The following DST variants were observed in gnomAD, a reference collection of about 807,000 sequenced individuals.
DST encodes bullous pemphigoid antigen.
Under a neutral mutation model 875.2 loss-of-function variants are expected in DST, and 253 were observed. That is an observed-to-expected ratio of 0.29 (90% confidence interval 0.26 to 0.32). The LOEUF (loss-of-function observed/expected upper bound fraction) is 0.32, where lower values mean the gene tolerates loss of function less well. DST is among the 10% of genes least tolerant of loss of function. DST has a pLI of 1.00. For missense variants in DST, 8,287 were observed against 9,111.6 expected (o/e 0.91, Z 3.68); for synonymous variants, 3,124 against 3,197.1 (o/e 0.98, Z 0.77).
chr6:56,645,743 A>G (rs1476265077), intron 15 of DST, 123 bp downstream of exon 15: 1 of 1,151,166 alleles, frequency 8.7e-7, no homozygotes, highest in Admixed American at 2.4e-5. Context: ...AAAATGGAGG[A>G]TCAAAAGGAT....
chr6:56,460,403 T>C (rs2094268354), intron 102 of DST, 149 bp from the exon 103 acceptor site: 1 of 647,662 alleles, frequency 1.5e-6, no homozygotes, highest in African/African-American at 1.8e-5. Flanking sequence ...AAATAAGGCA[T>C]GGGGTTCTCA....
At chr6:56,795,009 T>C (rs1468900438) in intron 4 of DST, among the ~76,000 whole-genome samples, 4 of 152,032 alleles carry the variant, frequency 2.6e-5, no homozygotes, top group African/African-American at 7.3e-5. Flanking sequence ...AATAGGTACA[T>C]AGCCAAGGAA....
rs1297264503 is a variant in DST at position 56,625,170 on chromosome 6, A to G, written c.4817T>C (p.Leu1606Pro). The G allele has an allele frequency of 1.2e-6, 2 of 1,610,556 alleles. No homozygotes were observed. Reference sequence around the variant, plus strand: ...TACTTTTATTACCTCTTGAATAATGAGATCTGCTGAACTCTGCATTCTTCG... The same window carrying G: ...TACTTTTATTACCTCTTGAATAATGGGATCTGCTGAACTCTGCATTCTTCG... The part of the protein sequence containing the change: ...KRRRMQSSAD[L>P]IIQEFMDLRT... Residue 1606 changes from leucine to proline, a missense_variant, in exon 35 of 104, where the codon CTC (leucine) becomes CCC (proline). By Grantham distance (98) the Leu-to-Pro change is moderately conservative. Around this residue, in one of 10 missense-constraint regions of DST, gnomAD observed 3,138 missense variants for 3,116.6 expected, o/e 1.01. Coordinates refer to ENST00000680361, the MANE Select transcript of DST (RefSeq NM_001374736.1).
intron 4 of DST, among the ~76,000 whole-genome samples, chr6:56,818,957 A>G (rs60638926): frequency 0.084 from 12,801 of 152,150 alleles, 1,802 homozygotes; most frequent in African/African-American, 0.29. Context: ...ACCCTGGATC[A>G]TCATTCAATC....
chr6:56,557,143 G>T (rs1421861350), intron 59 of DST, among the ~76,000 whole-genome samples, 176 bp downstream of exon 59: 1 of 152,038 alleles, frequency 6.6e-6, no homozygotes, highest in East Asian at 1.9e-4. Flanking sequence ...TAGTTCTTTG[G>T]GGATTCCCAC....
chr6:56,627,233 AT>A lies in DST; in HGVS notation c.4692del (p.Lys1564AsnfsTer10). The A allele has an allele frequency of 6.2e-7, 1 of 1,612,878 alleles. No individual in the cohort carries two copies. ...MKQSKMDECQ[K>X]YAEQYSATVK... Reference sequence around the variant, plus strand: ...ACTGTAGCTGAGTACTGTTCTGCATATTTTTGACACTCGTCCATTTTGCTCT... The same window carrying A: ...ACTGTAGCTGAGTACTGTTCTGCATATTTTGACACTCGTCCATTTTGCTCT... On this transcript the variant is annotated frameshift_variant, in exon 34 of 104. Transcript: ENST00000680361. LOFTEE classifies it high-confidence loss of function.
In DST at chr6:56,639,626, A is replaced by G; in HGVS notation, c.2698-15T>C. 6 of 1,613,822 alleles carry G rather than the reference A, an allele frequency of 3.7e-6. No homozygotes were observed. The highest frequency in any genetic ancestry group is 5.1e-6 in the Non-Finnish European group (6 of 1,179,852). On this transcript the variant is annotated splice_polypyrimidine_tract_variant and intron_variant, in intron 20 of 103. Coordinates refer to ENST00000680361, the MANE Select transcript of DST (RefSeq NM_001374736.1). ...CTGGATGTATTCTTTAGTAAGGAAA[A>G]TCATCATAAGAATCATGTTTTTGCC...
At chr6:56,667,190 G>A (rs1003373815) in intron 10 of DST, among the ~76,000 whole-genome samples, 3 of 152,134 alleles carry the variant, frequency 2.0e-5, no homozygotes, top group Admixed American at 6.5e-5. Context: ...GATTATAGGC[G>A]TGAGCCAGGG....
chr6:56,615,795 A>G lies in DST; in HGVS notation c.4930-1311T>C, dbSNP rs1284395693. 5 of 1,614,044 alleles carry G rather than the reference A, an allele frequency of 3.1e-6. No individual in the cohort carries two copies. Among genetic ancestry groups the G allele is most frequent in the Non-Finnish European group, 4.2e-6 (5 of 1,180,044 alleles). ...ATCAACCCTCCTGTCAAGTACTGAA[A>G]TTCCAAACATCGGATTCCCATTTCC... On this transcript the variant is annotated intron_variant, in intron 36 of 103. Coordinates refer to ENST00000680361, the MANE Select transcript of DST (RefSeq NM_001374736.1).
At chr6:56,596,407 A>C (rs2098387341) in intron 47 of DST, among the ~76,000 whole-genome samples, 1 of 152,178 alleles carries the variant, frequency 6.6e-6, no homozygotes, top group Non-Finnish European at 1.5e-5. Context: ...ACTGTGCCTA[A>C]AACCAAGGGC....
At chr6:56,741,664 C>G (rs1295262983) in intron 4 of DST, among the ~76,000 whole-genome samples, 3 of 152,158 alleles carry the variant, frequency 2.0e-5, no homozygotes, top group Admixed American at 6.5e-5. Flanking sequence ...CCAGATTACA[C>G]CATCTAATTT....
chr6:56,551,824 T>C (rs1159494656), intron 61 of DST, among the ~76,000 whole-genome samples: 1 of 152,148 alleles, frequency 6.6e-6, no homozygotes, highest in African/African-American at 2.4e-5. Context: ...ATTGAAGAAA[T>C]TGCTGGAAGA....
Position 56,508,744 on chromosome 6 carries a change from T to C in DST, c.19024A>G (p.Lys6342Glu), listed in dbSNP as rs777991373. ...KDISAKAVQD[K>E]LDQMVFIWEN... Reference sequence around the variant, plus strand: ...CAAATGAAAACCATTTGGTCAAGCTTATCCTGAACAGCTATGAAGCAAAAC... The same window carrying C: ...CAAATGAAAACCATTTGGTCAAGCTCATCCTGAACAGCTATGAAGCAAAAC... Residue 6342 changes from lysine to glutamate, a missense_variant, in exon 75 of 104, where the codon AAG (lysine) becomes GAG (glutamate). Coordinates refer to ENST00000680361, the MANE Select transcript of DST (RefSeq NM_001374736.1). The C allele has an allele frequency of 6.2e-7, 1 of 1,612,098 alleles. No individual in the cohort carries two copies. Among genetic ancestry groups the C allele is most frequent in the Non-Finnish European group, 8.5e-7 (1 of 1,178,634 alleles).
chr6:56,720,511 G>A (rs1039955718), intron 5 of DST, among the ~76,000 whole-genome samples: 3 of 152,140 alleles, frequency 2.0e-5, no homozygotes, highest in South Asian at 2.1e-4. Flanking sequence ...GCCTTCTGCA[G>A]TGTTTGTGTC....
At chr6:56,692,473 G>T in intron 9 of DST, 2 of 1,289,590 alleles carry the variant, frequency 1.6e-6, no homozygotes, top group Non-Finnish European at 2.0e-6. Context: ...AAAATGCTGT[G>T]TTGCATGAGG....
Position 56,628,132 on chromosome 6 carries a change from G to A in DST, c.4505C>T (p.Ser1502Leu), listed in dbSNP as rs1448280149. Residue 1502 changes from serine to leucine, a missense_variant, in exon 33 of 104, where the codon TCA becomes TTA. This residue lies in a region of DST where 3,138 missense variants were observed against 3,116.6 expected (regional missense o/e 1.01). Coordinates refer to ENST00000680361, the MANE Select transcript of DST (RefSeq NM_001374736.1). ...GTAAGTGTCTCTGTAGTACTTCAGT[G>A]ATTTGCCAATGCCCTCTAAGTCCCG... ...RLRDLEGIGK[S>L]LKYYRDTYHP... 1 of 1,613,836 alleles carries A rather than the reference G, an allele frequency of 6.2e-7. No individual in the cohort carries two copies.
chr6:56,477,141 A>G (rs2095232734), intron 91 of DST, among the ~76,000 whole-genome samples: 1 of 152,248 alleles, frequency 6.6e-6, no homozygotes, highest in Non-Finnish European at 1.5e-5. Context: ...TTCCAGGGAC[A>G]TAGCTGCAAA....
rs1210018401 is a variant in DST at position 56,530,116 on chromosome 6, C to T, written c.17126G>A (p.Gly5709Asp). ...KAETRNRQLE[G>D]ISVVAQQFHE... is the part of the protein sequence containing the mutation. ...AAATTGCTGTGCTACCACCGAGATA[C>T]CTTCCAACTGACGATTCCTACAAAT... Residue 5709 changes from glycine (G) to aspartate (D), a missense_variant, in exon 65 of 104, where the codon GGT becomes GAT. By Grantham distance (94) the Gly-to-Asp change is moderately conservative (BLOSUM62 -1). This residue lies in a region of DST where 777 missense variants were observed against 764.8 expected (regional missense o/e 1.02). Transcript: ENST00000680361. The T allele has an allele frequency of 6.3e-7, 1 of 1,595,048 alleles. No individual in the cohort carries two copies. The highest frequency in any genetic ancestry group is 2.2e-5 in the East Asian group (1 of 44,544).
At position 56,801,025 on chromosome 6, in the gene DST, G is replaced by GAA. The variant is rs34514599; in HGVS notation, c.625+50370_625+50371dup. Among the ~76,000 whole-genome samples the GAA allele has an allele frequency of 2.4e-3, 161 of 66,806 alleles. 1 individual carries two copies. In the Middle Eastern group the frequency reaches 0.025, roughly 10 times the overall value. 43.8% of individuals were successfully genotyped at this position (66,806 alleles called of 152,430 possible). ...ACAGAACAAAACATTGTCTCAGGGA[G>GAA]AAAAAAAAAAAAAAAAAAAAACCTC... On this transcript the variant is annotated intron_variant, in intron 4 of 103. Transcript: ENST00000680361.
Sources: allele counts gnomAD v4.1 joint callset (sites outside exome capture counted in the v4.1 genomes callset), GRCh38; gene constraint gnomAD v4.1.1; regional missense constraint gnomAD v4.1.1; transcripts MANE v1.5; gene names NCBI Gene and HGNC (gene_info 2026-07-23, HGNC 2026-07-21).